The following GABRB3 variants were observed in gnomAD, a reference collection of about 807,000 sequenced individuals.
The protein encoded by GABRB3 is gamma-aminobutyric acid receptor subunit beta-3.
GABRB3 carries 14 observed loss-of-function variants against 52.1 expected under a neutral mutation model. The ratio of observed to expected loss-of-function variants is 0.27; its 90% confidence interval spans 0.18 to 0.42. The LOEUF (loss-of-function observed/expected upper bound fraction) is 0.42. GABRB3 is among the 10% of genes least tolerant of loss of function. The pLI, the probability that GABRB3 is intolerant of heterozygous loss-of-function variation, is 1.00. For missense variants in GABRB3, 307 were observed against 609.1 expected, an observed-to-expected ratio of 0.50 and a Z score of 5.22; for synonymous variants, 260 against 232.3, an observed-to-expected ratio of 1.12 and a Z score of -1.08.
At chr15:26,607,846 A>G (rs1302865075) in intron 4 of GABRB3, among the ~76,000 whole-genome samples, 1 of 152,086 alleles carries the variant, frequency 6.6e-6, no homozygotes, top group Non-Finnish European at 1.5e-5. Context: ...CAAATGAAAT[A>G]TATCTGTATT....
At chr15:26,593,069 G>A (rs1027332753) in intron 4 of GABRB3, among the ~76,000 whole-genome samples, 5 of 152,022 alleles carry the variant, frequency 3.3e-5, no homozygotes, top group Non-Finnish European at 4.4e-5. Context: ...TCTTTCATTC[G>A]AAATTCCCAG....
intron 3 of GABRB3, among the ~76,000 whole-genome samples, chr15:26,646,082 T>C (rs1893340981): frequency 6.6e-6 from 1 of 152,074 alleles, no homozygotes; most frequent in Non-Finnish European, 1.5e-5. Flanking sequence ...ACACCAAAAA[T>C]TTCAGTTGTT....
intron 3 of GABRB3, among the ~76,000 whole-genome samples, chr15:26,739,433 C>T (rs1890146277): frequency 6.6e-6 from 1 of 151,888 alleles, no homozygotes; most frequent in South Asian, 2.1e-4. Flanking sequence ...ATGGTTGGTC[C>T]GATACTGTTG....
chr15:26,759,271 T>TTGAGA (rs944819006), intron 3 of GABRB3, among the ~76,000 whole-genome samples: 6 of 152,198 alleles, frequency 3.9e-5, no homozygotes, highest in Non-Finnish European at 7.4e-5. Flanking sequence ...AAAATTTTTT[T>TTGAGA]TGAGATGGAG....
chr15:26,630,102 G>C (rs1279955804), intron 3 of GABRB3, among the ~76,000 whole-genome samples: 1 of 152,158 alleles, frequency 6.6e-6, no homozygotes, highest in Admixed American at 6.5e-5. Context: ...CGCTGGGGAA[G>C]CCCTTGTGGA....
chr15:26,724,772 C>T (rs1889727831), intron 3 of GABRB3, among the ~76,000 whole-genome samples: 2 of 152,162 alleles, frequency 1.3e-5, no homozygotes, highest in Admixed American at 1.3e-4. Context: ...CATGACTCCT[C>T]CTACAGTGTA....
At chr15:26,629,142 G>GGC in intron 3 of GABRB3, 1 of 1,517,742 alleles carries the variant, frequency 6.6e-7, no homozygotes, top group South Asian at 1.2e-5. Flanking sequence ...AGCTCGGGGA[G>GGC]GCGCAGGGGC....
intron 6 of GABRB3, among the ~76,000 whole-genome samples, chr15:26,576,807 G>C (rs1239841915): frequency 6.6e-6 from 1 of 152,106 alleles, no homozygotes; most frequent in Admixed American, 6.5e-5. Flanking sequence ...TACAGCTTGG[G>C]TTGGTTATAC....
intron 3 of GABRB3, among the ~76,000 whole-genome samples, chr15:26,645,859 T>C (rs1038599215): frequency 6.6e-6 from 1 of 152,100 alleles, no homozygotes; most frequent in South Asian, 2.1e-4. Context: ...CTCAAACTTC[T>C]GGGCTCAAGT....
At chr15:26,706,158 A>G (rs1889093277) in intron 3 of GABRB3, among the ~76,000 whole-genome samples, 1 of 152,212 alleles carries the variant, frequency 6.6e-6, no homozygotes, top group Non-Finnish European at 1.5e-5. Flanking sequence ...CTCAATGTTC[A>G]TTCACTTCAA....
chr15:26,609,897 C>T (rs1008550074), intron 4 of GABRB3, among the ~76,000 whole-genome samples: 1 of 152,156 alleles, frequency 6.6e-6, no homozygotes, highest in Non-Finnish European at 1.5e-5. Flanking sequence ...CTGTTGTTGA[C>T]AGTTTCTTTT....
chr15:26,773,029 G>C lies in GABRB3; in HGVS notation c.-67C>G. ...GCCGTCGCGACCCGCAGCCGGGGCT[G>C]CTCCTGCTGCTGCCGCCGCCGCCGC... On this transcript the variant is annotated 5_prime_UTR_variant, in exon 1 of 9. Transcript: ENST00000311550. 3 of 1,075,538 alleles carry C rather than the reference G, an allele frequency of 2.8e-6. No homozygotes were observed. The highest frequency in any genetic ancestry group is 4.6e-5 in the South Asian group (1 of 21,886). 66.6% of individuals were successfully genotyped at this position (1,075,538 alleles called of 1,614,324 possible). A position where few individuals can be genotyped will look rare whatever the true frequency, so the allele number is the denominator to read the frequency against.
At chr15:26,691,419 C>T (rs1053368284) in intron 3 of GABRB3, among the ~76,000 whole-genome samples, 4 of 152,146 alleles carry the variant, frequency 2.6e-5, no homozygotes, top group African/African-American at 9.7e-5. Context: ...AAAAAGGCCA[C>T]CCCAGGGAGC....
In GABRB3 at chr15:26,624,406, C is replaced by A. The variant is rs1055879513; in HGVS notation, c.241-2872G>T. On this transcript the variant is annotated intron_variant, in intron 3 of 8. Coordinates refer to ENST00000311550, the MANE Select transcript of GABRB3 (RefSeq NM_000814.6). ...CATGCTTACGCCTGAGTCGCGATGT[C>A]TAGCGCCCTTCTCAGAGTCCCTCCG... is the stretch of plus-strand genomic sequence containing the variant. 1.0e-5 allele frequency: 10 copies of A among 985,384 alleles called. No individual in the cohort carries two copies. The African/African-American group carries it at 1.7e-4, about 17-fold the overall frequency. The allele number at this position is 985,384 out of a possible 1,614,324, so 61.0% of individuals were successfully genotyped here.
intron 4 of GABRB3, among the ~76,000 whole-genome samples, chr15:26,605,950 G>A (rs373955389): frequency 3.7e-4 from 56 of 152,230 alleles, no homozygotes; most frequent in African/African-American, 1.2e-3. Context: ...AGCGGAAGTC[G>A]AATACGAAGG....
At chr15:26,751,075 G>T (rs923726236) in intron 3 of GABRB3, among the ~76,000 whole-genome samples, 1 of 152,056 alleles carries the variant, frequency 6.6e-6, no homozygotes, top group Non-Finnish European at 1.5e-5. Flanking sequence ...AATCTTTCCA[G>T]ATAACAAAAG....
intron 4 of GABRB3, among the ~76,000 whole-genome samples, chr15:26,606,805 T>TATCGATAGATATATCGATAG (rs1275882932): frequency 0.082 from 9,646 of 117,886 alleles, 653 homozygotes; most frequent in African/African-American, 0.13. Context: ...TAGATATATC[T>TATCGATAGATATATCGATAG]ATAGATAGAT....
chr15:26,654,232 G>A lies in GABRB3; in HGVS notation c.241-32698C>T, dbSNP rs543451583. Among the ~76,000 whole-genome samples, 52 of 152,248 alleles carry A rather than the reference G, an allele frequency of 3.4e-4. No homozygotes were observed. The East Asian group carries it at 9.9e-3, about 29-fold the overall frequency. On this transcript the variant is annotated intron_variant, in intron 3 of 8. Transcript: ENST00000311550. ...GTGATCTCAGCTCACTGCAAGCTCC[G>A]CCTCCTGAGTTCATGCCATTCTCCT...
At chr15:26,599,742 A>AG (rs1891520093) in intron 4 of GABRB3, among the ~76,000 whole-genome samples, 3 of 152,192 alleles carry the variant, frequency 2.0e-5, no homozygotes, top group Admixed American at 2.0e-4. Flanking sequence ...AACAAACAAA[A>AG]CAACAACAAA....
Sources: gnomAD v4.1 joint callset for allele counts (sites outside exome capture counted in the v4.1 genomes callset) on GRCh38, gnomAD v4.1.1 for gene constraint, MANE v1.5 for transcripts, NCBI Gene and HGNC (gene_info 2026-07-23, HGNC 2026-07-21) for gene names.